The following ADAM23 variants were observed in gnomAD, a reference collection of about 807,000 sequenced individuals.
ADAM23 encodes the protein disintegrin and metalloproteinase domain-containing protein 23.
A neutral mutation model predicts 120.1 loss-of-function variants in ADAM23; 33 were observed. That is an observed-to-expected ratio of 0.27 (90% CI 0.21 to 0.37). The LOEUF is 0.37. ADAM23 is among the 10% of genes least tolerant of loss of function. ADAM23 has a pLI of 1.00. For missense variants in ADAM23, 862 were observed against 1,058.2 expected (o/e 0.81, Z 2.57); for synonymous variants, 367 against 375.2 (o/e 0.98, Z 0.25).
At chr2:206,492,551 G>A (rs1367623285) in intron 3 of ADAM23, among the ~76,000 whole-genome samples, 1 of 152,186 alleles carries the variant, frequency 6.6e-6, no homozygotes, top group East Asian at 1.9e-4. Context: ...GGTTCTGGAG[G>A]CTGGGAAATC....
chr2:206,595,010 A>G (rs563651722), intron 23 of ADAM23, 105 bp downstream of exon 23: 99 of 1,451,274 alleles, frequency 6.8e-5, no homozygotes, highest in Non-Finnish European at 9.2e-5. Context: ...GTGAAACACC[A>G]TCTCTACTAA....
At chr2:206,469,948 A>G (rs1695619411) in intron 2 of ADAM23, among the ~76,000 whole-genome samples, 1 of 152,088 alleles carries the variant, frequency 6.6e-6, no homozygotes, top group Non-Finnish European at 1.5e-5. Context: ...TCCTATTTAA[A>G]ACTATCACCT....
chr2:206,607,288 T>G (rs1352373249), intron 24 of ADAM23: 1 of 152,210 alleles, frequency 6.6e-6, no homozygotes, highest in Non-Finnish European at 1.5e-5. Context: ...GACAAAAACT[T>G]TGTCCTGTAA....
intron 16 of ADAM23, among the ~76,000 whole-genome samples, chr2:206,571,372 G>T (rs1159003345): frequency 6.6e-6 from 1 of 152,182 alleles, no homozygotes; most frequent in Non-Finnish European, 1.5e-5. Context: ...CTACTCGGGA[G>T]GCTGAGGCAG....
intron 24 of ADAM23, among the ~76,000 whole-genome samples, chr2:206,603,783 TTTTA>T (rs1257019906): frequency 7.9e-5 from 12 of 152,196 alleles, no homozygotes; most frequent in Admixed American, 2.6e-4. Flanking sequence ...TTTAAATTAT[TTTTA>T]TTTATCTTTC....
chr2:206,615,237 A>T (rs1022317744), intron 25 of ADAM23, among the ~76,000 whole-genome samples: 1 of 152,202 alleles, frequency 6.6e-6, no homozygotes, highest in Non-Finnish European at 1.5e-5. Flanking sequence ...GTAAAAATGG[A>T]TGAAAGCTGT....
chr2:206,562,396 A>G, intron 13 of ADAM23, 103 bp downstream of exon 13: 2 of 809,976 alleles, frequency 2.5e-6, no homozygotes, highest in Non-Finnish European at 3.9e-6. Flanking sequence ...ATTATAGTTT[A>G]ATTGTAGTAT....
intron 3 of ADAM23, among the ~76,000 whole-genome samples, chr2:206,494,070 A>G (rs1434123455): frequency 1.3e-5 from 2 of 152,188 alleles, no homozygotes; most frequent in South Asian, 2.1e-4. Context: ...ACCACGCTCA[A>G]GCTAATTAAC....
rs1458125527 is a variant in ADAM23, at chr2:206,443,553, C to A, written c.-314C>A. The A allele has an allele frequency of 6.8e-6, 1 of 147,882 alleles. No individual in the cohort carries two copies. Among genetic ancestry groups the A allele is most frequent in the Non-Finnish European group, 1.5e-5 (1 of 66,422 alleles). 9.2% of individuals were successfully genotyped at this position (147,882 alleles called of 1,614,324 possible). On this transcript the variant is annotated 5_prime_UTR_variant, in exon 1 of 26. Transcript: ENST00000264377. ...CAGCATCCTCAGGCCCGGCGGCAGCCCCCGCAGTCGCTGAAGCGGCCGCGC... is the reference window on the plus strand; with the variant it reads ...CAGCATCCTCAGGCCCGGCGGCAGCACCCGCAGTCGCTGAAGCGGCCGCGC...
rs116306758 is a variant in ADAM23 at position 206,508,340 on chromosome 2, T to C, written c.510-22545T>C. 2.4e-3 allele frequency among the ~76,000 whole-genome samples: 369 copies of C among 152,264 alleles called. 1 individual carries two copies. The highest frequency in any genetic ancestry group is 8.0e-3 in the African/African-American group (332 of 41,572). On this transcript the variant is annotated intron_variant, in intron 3 of 25. Coordinates refer to ENST00000264377, the MANE Select transcript of ADAM23 (RefSeq NM_003812.4). ...TGTGTCCGGCCGCCTAGTTTACTTT[T>C]TATCACTTTACTAACAGGTCTTAGA...
intron 3 of ADAM23, among the ~76,000 whole-genome samples, chr2:206,487,219 G>C (rs1444198915): frequency 1.3e-5 from 2 of 152,172 alleles, no homozygotes; most frequent in Admixed American, 6.5e-5. Context: ...ATTCTACATT[G>C]AGGAGAAGAG....
rs118149296 is a variant in ADAM23 at position 206,581,258 on chromosome 2, C to T, written c.1738-6067C>T. Among the ~76,000 whole-genome samples, 329 of 147,738 alleles carry T rather than the reference C, an allele frequency of 2.2e-3. 11 individuals are homozygous for T. The East Asian group carries it at 0.058, about 26-fold the overall frequency. On this transcript the variant is annotated intron_variant, in intron 18 of 25. Transcript: ENST00000264377. ...CTGATCTCGGCTGTTTTCTTTCTTC[C>T]GCTGGGTTTAGGTTTGGTTTGTTCT...
chr2:206,505,326 T>C (rs992919027), intron 3 of ADAM23, among the ~76,000 whole-genome samples: 1 of 152,244 alleles, frequency 6.6e-6, no homozygotes, highest in Non-Finnish European at 1.5e-5. Context: ...AAGTGCCTTA[T>C]ATGAGCTAAC....
At chr2:206,495,483 A>G (rs190072903) in intron 3 of ADAM23, among the ~76,000 whole-genome samples, 13,089 of 152,094 alleles carry the variant, frequency 0.086, 549 homozygotes, top group Admixed American at 0.16. Context: ...CCTGCCCTAA[A>G]AGAGCTCCTG....
At chr2:206,569,169 A>G (rs1329212764) in intron 15 of ADAM23, among the ~76,000 whole-genome samples, 1 of 152,218 alleles carries the variant, frequency 6.6e-6, no homozygotes, top group East Asian at 1.9e-4. Flanking sequence ...TATAAGCATC[A>G]TGCCTGAGGA....
intron 2 of ADAM23, among the ~76,000 whole-genome samples, chr2:206,477,894 AAAAAT>A (rs1206418310): frequency 6.0e-5 from 7 of 116,752 alleles, no homozygotes; most frequent in African/African-American, 2.4e-4. Context: ...AAAAAAAAAA[AAAAAT>A]ATATATATAT....
At chr2:206,583,920 G>C (rs924517710) in intron 18 of ADAM23, among the ~76,000 whole-genome samples, 1 of 152,068 alleles carries the variant, frequency 6.6e-6, no homozygotes, top group Non-Finnish European at 1.5e-5. Context: ...TTTTTGGGGG[G>C]TGTTGAAGAG....
At chr2:206,558,988 A>G (rs1378698847) in intron 10 of ADAM23, among the ~76,000 whole-genome samples, 1 of 152,130 alleles carries the variant, frequency 6.6e-6, no homozygotes, top group Non-Finnish European at 1.5e-5. Context: ...TCTGTTGCCC[A>G]GGCTGGAGTG....
At chr2:206,570,962 G>A in intron 16 of ADAM23, 151 bp downstream of exon 16, 1 of 640,992 alleles carries the variant, frequency 1.6e-6, no homozygotes, top group Non-Finnish European at 2.8e-6. Context: ...CAGACCTGTT[G>A]GAATCAGTCA....
Sources: gnomAD v4.1 joint callset for allele counts (sites outside exome capture counted in the v4.1 genomes callset) on GRCh38, gnomAD v4.1.1 for gene constraint, MANE v1.5 for transcripts, NCBI Gene and HGNC (gene_info 2026-07-23, HGNC 2026-07-21) for gene names.